TIMMDC1: variants seen among roughly 807,000 people sequenced by gnomAD.
TIMMDC1 encodes translocase of inner mitochondrial membrane domain containing 1.
Under a neutral mutation model 32.6 loss-of-function variants are expected in TIMMDC1, and 25 were observed. That is an observed-to-expected ratio of 0.77 (90% CI 0.56 to 1.07). The LOEUF is 1.07. Among genes scored for constraint, TIMMDC1 ranks in the 50% least tolerant of loss-of-function variants. The pLI, the probability that TIMMDC1 is intolerant of heterozygous loss-of-function variation, is 0.00. For synonymous variants in TIMMDC1, 130 were observed against 127.6 expected (o/e 1.02, Z -0.13); for missense variants, 329 against 349.2 (o/e 0.94, Z 0.46).
intron 3 of TIMMDC1, 86 bp downstream of exon 3, chr3:119,503,706 CTG>C (rs2107727498): frequency 1.9e-6 from 2 of 1,066,840 alleles, no homozygotes; most frequent in Non-Finnish European, 2.7e-6. Context: ...GTTATGAAAA[CTG>C]AATACCCACA....
intron 1 of TIMMDC1, among the ~76,000 whole-genome samples, chr3:119,500,039 T>C (rs2081858528): frequency 6.6e-6 from 1 of 152,208 alleles, no homozygotes; most frequent in Admixed American, 6.5e-5. Context: ...AAGTTAGCTG[T>C]GACTACAGGC....
At chr3:119,505,878 T>C (rs1577097055) in intron 4 of TIMMDC1, among the ~76,000 whole-genome samples, 1 of 152,222 alleles carries the variant, frequency 6.6e-6, no homozygotes, top group South Asian at 2.1e-4. Context: ...TGTATATGTG[T>C]ACACACATGG....
At position 119,498,842 on chromosome 3, in the gene TIMMDC1, G is replaced by A; in HGVS notation, c.109G>A (p.Glu37Lys). The A allele has an allele frequency of 1.2e-6, 2 of 1,614,138 alleles. No individual in the cohort carries two copies. Among genetic ancestry groups the A allele is most frequent in the Non-Finnish European group, 1.7e-6 (2 of 1,180,034 alleles). The change falls in exon 1 of 7, where the codon GAG (glutamate) becomes AAG (lysine). Residue 37 changes from glutamate (E) to lysine (K), a missense_variant. Glu to Lys is a moderately conservative substitution (Grantham distance 56). Transcript: ENST00000494664. ...GACTGCCGATTCGGAAGTCCTTGAG[G>A]AGCGTCAGAAGCGGCTTCCCTACGT... is the stretch of plus-strand genomic sequence containing the variant. ...AVTADSEVLE[E>K]RQKRLPYVPE...
intron 4 of TIMMDC1, among the ~76,000 whole-genome samples, chr3:119,505,075 G>A (rs1332084849): frequency 5.1e-4 from 65 of 126,296 alleles, no homozygotes; most frequent in African/African-American, 1.9e-3. Context: ...TGAAACTCTT[G>A]TCTCAAAAAA....
chr3:119,505,384 A>T (rs1247087783), intron 4 of TIMMDC1, among the ~76,000 whole-genome samples: 1 of 150,320 alleles, frequency 6.7e-6, no homozygotes, highest in African/African-American at 2.4e-5. Context: ...TTTTTTTGAG[A>T]TGGAGTTTTG....
intron 4 of TIMMDC1, among the ~76,000 whole-genome samples, chr3:119,507,478 G>C (rs966499187): frequency 1.3e-5 from 2 of 152,006 alleles, no homozygotes; most frequent in Non-Finnish European, 2.9e-5. Context: ...TTGTTTTATC[G>C]CTAGCATTTC....
At chr3:119,505,592 C>T (rs1560046258) in intron 4 of TIMMDC1, among the ~76,000 whole-genome samples, 2 of 152,172 alleles carry the variant, frequency 1.3e-5, no homozygotes, top group Non-Finnish European at 2.9e-5. Context: ...GTCTCGAACT[C>T]CCGACCTCAG....
chr3:119,503,429 G>T (rs1177767754), intron 2 of TIMMDC1, 103 bp from the exon 3 acceptor site: 4 of 730,518 alleles, frequency 5.5e-6, no homozygotes, highest in Non-Finnish European at 6.6e-6. Flanking sequence ...TATCTGTTTG[G>T]GTGTACCTGA....
Position 119,511,942 on chromosome 3 carries a change from A to G in TIMMDC1, c.518-1699A>G, listed in dbSNP as rs9816392. ...TTACTTGCATACTTTTATTTGGAAAATAAGTTTATGCATCCTTTTTGAATA... is the reference window on the plus strand; with the variant it reads ...TTACTTGCATACTTTTATTTGGAAAGTAAGTTTATGCATCCTTTTTGAATA... On this transcript the variant is annotated intron_variant, in intron 4 of 6. Coordinates refer to ENST00000494664, the MANE Select transcript of TIMMDC1 (RefSeq NM_016589.4). Among the ~76,000 whole-genome samples, 488 of 152,354 alleles carry G rather than the reference A, an allele frequency of 3.2e-3. 1 individual carries two copies. Among genetic ancestry groups the G allele is most frequent in the African/African-American group, 0.011 (457 of 41,588 alleles).
intron 4 of TIMMDC1, among the ~76,000 whole-genome samples, chr3:119,507,206 T>C (rs2081923863): frequency 6.6e-6 from 1 of 152,220 alleles, no homozygotes; most frequent in Admixed American, 6.5e-5. Flanking sequence ...TCTCAGTGAT[T>C]GTTTCAAAGA....
In TIMMDC1 at chr3:119,498,591, G is replaced by A; in HGVS notation, c.-143G>A. On this transcript the variant is annotated 5_prime_UTR_variant, in exon 1 of 7. It adds an upstream start codon to the 5' untranslated region. Transcript: ENST00000494664. ...CAAAGCGAGGCCGGGGACTGAAGGTGTGGGTGTCGAGCCCTCTGGCAGAGG... is the reference window on the plus strand; with the variant it reads ...CAAAGCGAGGCCGGGGACTGAAGGTATGGGTGTCGAGCCCTCTGGCAGAGG... 5.4e-6 allele frequency: 4 copies of A among 738,658 alleles called. No individual in the cohort carries two copies. Among genetic ancestry groups the A allele is most frequent in the South Asian group, 5.1e-5 (3 of 58,332 alleles). 45.8% of individuals were successfully genotyped at this position (738,658 alleles called of 1,614,324 possible). A position where few individuals can be genotyped will look rare whatever the true frequency, so the allele number is the denominator to read the frequency against.
At position 119,498,960 on chromosome 3, in the gene TIMMDC1, G is replaced by T. The variant is rs772128312; in HGVS notation, c.194+33G>T. On this transcript the variant is annotated intron_variant, in intron 1 of 6. Coordinates refer to ENST00000494664, the MANE Select transcript of TIMMDC1 (RefSeq NM_016589.4). ...TGCCTAGGGTGTGAAGTGGGGTAGG[G>T]GGCCGCGAAAGCGGTGTCCTGCAGC... The T allele has an allele frequency of 3.7e-6, 6 of 1,606,146 alleles. No individual in the cohort carries two copies. In the South Asian group the frequency reaches 6.6e-5, roughly 18 times the overall value.
chr3:119,498,560 G>C lies in TIMMDC1; in HGVS notation c.-174G>C. On this transcript the variant is annotated 5_prime_UTR_variant, in exon 1 of 7. Coordinates refer to ENST00000494664, the MANE Select transcript of TIMMDC1 (RefSeq NM_016589.4). The stretch of plus-strand genomic sequence containing the variant: ...GGGACTTCCTGTGTCGTATTTCCAA[G>C]GACTCCAAAGCGAGGCCGGGGACTG... The C allele has an allele frequency of 1.6e-6, 1 of 620,228 alleles. No individual in the cohort carries two copies. Among genetic ancestry groups the C allele is most frequent in the Non-Finnish European group, 2.8e-6 (1 of 360,134 alleles). 38.4% of individuals were successfully genotyped at this position (620,228 alleles called of 1,614,324 possible). A position where few individuals can be genotyped will look rare whatever the true frequency, so the allele number is the denominator to read the frequency against.
In TIMMDC1 at chr3:119,523,792, A is replaced by T. The variant is rs756027764; in HGVS notation, c.*36A>T. ...AACTTGAAACTCACTGGAGAGCTGAAGGGAGCTGCCATGTCCGATGAATGC... is the reference window on the plus strand; with the variant it reads ...AACTTGAAACTCACTGGAGAGCTGATGGGAGCTGCCATGTCCGATGAATGC... On this transcript the variant is annotated 3_prime_UTR_variant, in exon 7 of 7. Coordinates refer to ENST00000494664, the MANE Select transcript of TIMMDC1 (RefSeq NM_016589.4). 2 of 1,548,858 alleles carry T rather than the reference A, an allele frequency of 1.3e-6. No individual in the cohort carries two copies. The highest frequency in any genetic ancestry group is 4.0e-5 in the Admixed American group (2 of 50,318).
At chr3:119,501,169 C>T (rs575687839) in intron 2 of TIMMDC1, among the ~76,000 whole-genome samples, 2 of 152,330 alleles carry the variant, frequency 1.3e-5, no homozygotes, top group South Asian at 4.1e-4. Context: ...ACCTCATTCA[C>T]AAAGCCTCCA....
intron 6 of TIMMDC1, among the ~76,000 whole-genome samples, chr3:119,520,912 G>A (rs888628824): frequency 1.1e-4 from 16 of 152,090 alleles, no homozygotes; most frequent in Non-Finnish European, 2.2e-4. Context: ...TTATCCTAGG[G>A]ATGCAAGGAT....
At position 119,513,628 on chromosome 3, in the gene TIMMDC1, T is replaced by C. The variant is rs952926113; in HGVS notation, c.518-13T>C. 1 of 1,603,020 alleles carries C rather than the reference T, an allele frequency of 6.2e-7. No homozygotes were observed. Among genetic ancestry groups the C allele is most frequent in the Non-Finnish European group, 8.5e-7 (1 of 1,170,238 alleles). ...AAAGATGATTTAATATTGCCTTTCTTGTTTTTAAATAGCTGTCACGGGAAG... is the reference window on the plus strand; with the variant it reads ...AAAGATGATTTAATATTGCCTTTCTCGTTTTTAAATAGCTGTCACGGGAAG... On this transcript the variant is annotated splice_polypyrimidine_tract_variant and intron_variant, in intron 4 of 6. Coordinates refer to ENST00000494664, the MANE Select transcript of TIMMDC1 (RefSeq NM_016589.4).
intron 6 of TIMMDC1, among the ~76,000 whole-genome samples, chr3:119,519,464 T>TA: frequency 6.6e-6 from 1 of 150,550 alleles, no homozygotes; most frequent in South Asian, 2.1e-4. Context: ...TAGCTATACT[T>TA]ATGCTAGATA....
Position 119,523,724 on chromosome 3 carries a change from C to T in TIMMDC1, c.826C>T (p.Pro276Ser), listed in dbSNP as rs892611771. Residue 276 changes from proline (P) to serine (S), a missense_variant, in exon 7 of 7, where the codon CCT becomes TCT. By Grantham distance (74) the Pro-to-Ser change is moderately conservative. Transcript: ENST00000494664. ...IEALLNLPRNPSVIDKQDKD is the reference protein window; with the variant it reads ...IEALLNLPRNSSVIDKQDKD Reference sequence around the variant, plus strand: ...AGCACTGCTAAACCTTCCTAGAAACCCTTCAGTAATAGATAAACAAGACAA... The same window carrying T: ...AGCACTGCTAAACCTTCCTAGAAACTCTTCAGTAATAGATAAACAAGACAA... 8 of 1,611,394 alleles carry T rather than the reference C, an allele frequency of 5.0e-6. 1 individual carries two copies. Among genetic ancestry groups the T allele is most frequent in the Non-Finnish European group, 1.7e-6 (2 of 1,178,956 alleles).
Sources: allele counts gnomAD v4.1 joint callset (sites outside exome capture counted in the v4.1 genomes callset), GRCh38; gene constraint gnomAD v4.1.1; transcripts MANE v1.5; gene names NCBI Gene and HGNC (gene_info 2026-07-23, HGNC 2026-07-21).